Variants in HCRTR2 observed in about 807,000 individuals in gnomAD.
HCRTR2 encodes hypocretin receptor 2, also known as orexin receptor type 2.
A neutral mutation model predicts 49.0 loss-of-function variants in HCRTR2; 22 were observed. The observed-to-expected ratio is 0.45, with a 90% CI of 0.32 to 0.64. The LOEUF (loss-of-function observed/expected upper bound fraction) is 0.64. Ranked by LOEUF, HCRTR2 falls within the 30% of genes least tolerant of loss-of-function variation. The pLI, the probability that HCRTR2 is intolerant of heterozygous loss-of-function variation, is 0.04. For missense variants in HCRTR2, 491 were observed against 559.4 expected, an observed-to-expected ratio of 0.88 and a Z score of 1.23; for synonymous variants, 236 against 205.3, an observed-to-expected ratio of 1.15 and a Z score of -1.28.
intron 1 of HCRTR2, among the ~76,000 whole-genome samples, chr6:55,130,261 A>G (rs1484126795): frequency 6.6e-6 from 1 of 151,936 alleles, no homozygotes; most frequent in Non-Finnish European, 1.5e-5. Flanking sequence ...GCACAAATTC[A>G]GTGGGACCAA....
At chr6:55,277,676 A>G in intron 5 of HCRTR2, 76 bp downstream of exon 5, 1 of 722,880 alleles carries the variant, frequency 1.4e-6, no homozygotes, top group Non-Finnish European at 2.2e-6. Context: ...TTTTTTTTTT[A>G]ACTAAGCCAG....
chr6:55,152,043 C>T (rs4129200), intron 1 of HCRTR2, among the ~76,000 whole-genome samples: 42,291 of 151,744 alleles, frequency 0.28, 6,686 homozygotes, highest in Middle Eastern at 0.47. Context: ...CATCCAGGCT[C>T]TGTTGTTCCA....
rs138036083 is a variant in HCRTR2, at chr6:55,207,584, C to T, written c.223+32774C>T. Among the ~76,000 whole-genome samples the T allele has an allele frequency of 2.0e-5, 3 of 152,102 alleles. No homozygotes were observed. The East Asian group carries it at 5.8e-4, about 29-fold the overall frequency. On this transcript the variant is annotated intron_variant, in intron 1 of 6. Transcript: ENST00000370862. ...TTGTATTAGGATAAAAGGGTAGGAA[C>T]AATGGGGAGAAAATTATAGCTTACA...
Position 55,107,668 on chromosome 6 carries a change from T to C in HCRTR2, c.-378+1123T>C, listed in dbSNP as rs574080991. Reference sequence around the variant, plus strand: ...TAATAGTTTCACAAAATGTTTGACTTGCTTCAGTTTCCTTTCTTATCAAGT... The same window carrying C: ...TAATAGTTTCACAAAATGTTTGACTCGCTTCAGTTTCCTTTCTTATCAAGT... On this transcript the variant is annotated intron_variant, in intron 1 of 7. Transcript: ENST00000615358. 1.1e-3 allele frequency among the ~76,000 whole-genome samples: 168 copies of C among 152,302 alleles called. 6 individuals carry two copies. Among genetic ancestry groups the C allele is most frequent in the Non-Finnish European group, 1.0e-3 (70 of 68,008 alleles).
intron 1 of HCRTR2, among the ~76,000 whole-genome samples, chr6:55,198,673 A>T (rs2127282655): frequency 6.6e-6 from 1 of 152,346 alleles, no homozygotes; most frequent in African/African-American, 2.4e-5. Context: ...TGTATTATCC[A>T]GAGTTTGTCC....
chr6:55,205,426 C>T (rs1765583819), intron 1 of HCRTR2, among the ~76,000 whole-genome samples: 2 of 152,074 alleles, frequency 1.3e-5, no homozygotes, highest in South Asian at 2.1e-4. Context: ...GAGTAATTAG[C>T]TCAAATGCTA....
At chr6:55,190,288 A>G (rs1765294017) in intron 1 of HCRTR2, among the ~76,000 whole-genome samples, 1 of 152,198 alleles carries the variant, frequency 6.6e-6, no homozygotes, top group Admixed American at 6.5e-5. Context: ...CAACTGAACC[A>G]ATAGGATTTG....
chr6:55,189,433 A>T (rs1196828202), intron 1 of HCRTR2, among the ~76,000 whole-genome samples: 1 of 152,212 alleles, frequency 6.6e-6, no homozygotes. Flanking sequence ...GAAGTTGGCA[A>T]CTCATCAAAT....
chr6:55,258,976 G>A (rs141122575), intron 3 of HCRTR2, among the ~76,000 whole-genome samples: 7 of 152,196 alleles, frequency 4.6e-5, no homozygotes, highest in East Asian at 1.9e-4. Flanking sequence ...GCTTGAAACC[G>A]AAAGGCGGAG....
Position 55,224,880 on chromosome 6 carries a change from C to G in HCRTR2, c.224-23759C>G, listed in dbSNP as rs186393971. On this transcript the variant is annotated intron_variant, in intron 1 of 6. Transcript: ENST00000370862. ...TTGGGGTAAGATGTGGTTGGGGAAA[C>G]GGTCAAAGAATAAAAAATTTCAGTT... 2.7e-4 allele frequency among the ~76,000 whole-genome samples: 41 copies of G among 151,912 alleles called. No homozygotes were observed. In the South Asian group the frequency reaches 8.1e-3, roughly 30 times the overall value.
intron 1 of HCRTR2, among the ~76,000 whole-genome samples, chr6:55,150,864 G>A (rs929416224): frequency 2.0e-5 from 3 of 151,982 alleles, no homozygotes; most frequent in Admixed American, 1.3e-4. Context: ...TTCCTTAGAG[G>A]ATACTGCAGG....
At chr6:55,180,378 T>A (rs1348155324) in intron 1 of HCRTR2, among the ~76,000 whole-genome samples, 1 of 152,248 alleles carries the variant, frequency 6.6e-6, no homozygotes, top group African/African-American at 2.4e-5. Flanking sequence ...AAGGAAGAGA[T>A]ACTTAGATGT....
chr6:55,274,262 A>AAT (rs1767032406), intron 4 of HCRTR2, among the ~76,000 whole-genome samples: 2 of 142,582 alleles, frequency 1.4e-5, no homozygotes, highest in African/African-American at 2.8e-5. Flanking sequence ...TATATAATGA[A>AAT]ATATATATAC....
intron 1 of HCRTR2, among the ~76,000 whole-genome samples, chr6:55,118,426 T>C (rs1178166048): frequency 6.6e-6 from 1 of 151,932 alleles, no homozygotes. Context: ...AGTAATGAGA[T>C]TGCTGGGTTG....
intron 1 of HCRTR2, among the ~76,000 whole-genome samples, chr6:55,167,020 T>A (rs1222171023): frequency 2.0e-5 from 3 of 152,108 alleles, no homozygotes; most frequent in Non-Finnish European, 4.4e-5. Flanking sequence ...TTTGCCAGCA[T>A]GTGGGAGGAG....
rs539727360 is a variant in HCRTR2 at position 55,184,929 on chromosome 6, G to T, written c.223+10119G>T. On this transcript the variant is annotated intron_variant, in intron 1 of 6. Coordinates refer to ENST00000370862, the MANE Select transcript of HCRTR2 (RefSeq NM_001384272.1). ...ATAATTTAATTCATCAATTCGGAAT[G>T]AATTTGATGAGTCAACCACTTTGGT... Among the ~76,000 whole-genome samples the T allele has an allele frequency of 3.9e-5, 6 of 152,278 alleles. No homozygotes were observed. In the South Asian group the frequency reaches 1.2e-3, roughly 32 times the overall value.
chr6:55,268,925 C>T (rs773712737), intron 4 of HCRTR2, among the ~76,000 whole-genome samples: 1 of 151,522 alleles, frequency 6.6e-6, no homozygotes, highest in African/African-American at 2.4e-5. Context: ...CTCGTCTCTA[C>T]TAAAGATACA....
At chr6:55,239,903 G>C (rs969433005) in intron 1 of HCRTR2, among the ~76,000 whole-genome samples, 27 of 151,224 alleles carry the variant, frequency 1.8e-4, no homozygotes, top group Non-Finnish European at 2.9e-4. Context: ...TTAGCCTCCG[G>C]AGTAGCTGGG....
chr6:55,143,959 T>G (rs996057282), intron 1 of HCRTR2, among the ~76,000 whole-genome samples: 10 of 152,174 alleles, frequency 6.6e-5, no homozygotes, highest in Non-Finnish European at 1.0e-4. Context: ...TCTCAAGCCC[T>G]TAAGAAAATG....
Sources: allele counts gnomAD v4.1 joint callset (sites outside exome capture counted in the v4.1 genomes callset), GRCh38; gene constraint gnomAD v4.1.1; transcripts MANE v1.5; gene names NCBI Gene and HGNC (gene_info 2026-07-23, HGNC 2026-07-21).